The following KCNH7 variants were observed in gnomAD, a reference collection of about 807,000 sequenced individuals.
The protein encoded by KCNH7 is voltage-gated inwardly rectifying potassium channel KCNH7.
A neutral mutation model predicts 120.8 loss-of-function variants in KCNH7; 49 were observed. That is an observed-to-expected ratio of 0.41 (90% CI 0.32 to 0.51). KCNH7 has a LOEUF of 0.51. Ranked by LOEUF, KCNH7 falls within the 20% of genes least tolerant of loss-of-function variation. The pLI is 0.38. For synonymous variants in KCNH7, 547 were observed against 516.1 expected, an observed-to-expected ratio of 1.06 and a Z score of -0.81; for missense variants, 1,097 against 1,446.6, an observed-to-expected ratio of 0.76 and a Z score of 3.92.
intron 2 of KCNH7, among the ~76,000 whole-genome samples, chr2:162,765,315 TA>T (rs1406629271): frequency 6.6e-6 from 1 of 152,208 alleles, no homozygotes; most frequent in African/African-American, 2.4e-5. Context: ...TCTTCTTGCC[TA>T]AATATTAAAT....
chr2:162,750,325 A>T (rs1270231908), intron 2 of KCNH7, among the ~76,000 whole-genome samples: 1 of 151,502 alleles, frequency 6.6e-6, no homozygotes, highest in Non-Finnish European at 1.5e-5. Flanking sequence ...GAGAAGAAAA[A>T]AATCATGGGA....
At chr2:162,648,395 C>A (rs1239654981) in intron 2 of KCNH7, among the ~76,000 whole-genome samples, 1 of 152,180 alleles carries the variant, frequency 6.6e-6, no homozygotes, top group African/African-American at 2.4e-5. Flanking sequence ...GATTCAGTCA[C>A]CTCCCACCAG....
chr2:162,623,964 G>A (rs183556207), intron 2 of KCNH7, among the ~76,000 whole-genome samples: 9 of 152,234 alleles, frequency 5.9e-5, no homozygotes, highest in East Asian at 1.9e-4. Context: ...CAATTAAAAC[G>A]TTTTAAACTG....
chr2:162,443,530 CCTA>C (rs1688489191), intron 7 of KCNH7, among the ~76,000 whole-genome samples: 2 of 152,322 alleles, frequency 1.3e-5, no homozygotes, highest in Non-Finnish European at 1.5e-5. Flanking sequence ...TGCTTTTTCT[CCTA>C]CTCTTCCATT....
At chr2:162,427,654 C>T (rs1388978029) in intron 8 of KCNH7, among the ~76,000 whole-genome samples, 1 of 151,362 alleles carries the variant, frequency 6.6e-6, no homozygotes, top group Admixed American at 6.6e-5. Flanking sequence ...TTTGTCCATT[C>T]CTTTTCTTAA....
intron 2 of KCNH7, among the ~76,000 whole-genome samples, chr2:162,663,344 G>A (rs372106732): frequency 6.6e-6 from 1 of 152,034 alleles, no homozygotes; most frequent in African/African-American, 2.4e-5. Flanking sequence ...AATTTTTCTT[G>A]TTATGTTTTC....
At chr2:162,437,144 T>A (rs1313712592) in intron 7 of KCNH7, among the ~76,000 whole-genome samples, 1 of 152,056 alleles carries the variant, frequency 6.6e-6, no homozygotes, top group Non-Finnish European at 1.5e-5. Context: ...TAATAAGTGT[T>A]CTACAGTTTC....
At chr2:162,774,868 C>A (rs1437588541) in intron 2 of KCNH7, among the ~76,000 whole-genome samples, 1 of 152,038 alleles carries the variant, frequency 6.6e-6, no homozygotes, top group Non-Finnish European at 1.5e-5. Flanking sequence ...ACTTCAAGGG[C>A]AATTAATAAT....
At chr2:162,679,039 C>T (rs1016546129) in intron 2 of KCNH7, among the ~76,000 whole-genome samples, 3 of 151,420 alleles carry the variant, frequency 2.0e-5, no homozygotes, top group African/African-American at 7.3e-5. Flanking sequence ...AATGCTGAGG[C>T]AAAATTTGAA....
chr2:162,829,532 T>C (rs1405544135), intron 2 of KCNH7, among the ~76,000 whole-genome samples: 1 of 152,060 alleles, frequency 6.6e-6, no homozygotes, highest in Non-Finnish European at 1.5e-5. Context: ...TTTGGGCTAT[T>C]AGAGATTGTT....
intron 2 of KCNH7, among the ~76,000 whole-genome samples, chr2:162,754,780 G>GA (rs375954770): frequency 6.6e-6 from 1 of 152,096 alleles, no homozygotes; most frequent in Non-Finnish European, 1.5e-5. Flanking sequence ...AAAATGCAAA[G>GA]AAAAAATGAA....
intron 2 of KCNH7, among the ~76,000 whole-genome samples, chr2:162,547,341 A>C (rs1302926254): frequency 2.0e-5 from 3 of 152,146 alleles, no homozygotes; most frequent in Non-Finnish European, 4.4e-5. Context: ...GGTAGAAATT[A>C]GGAGGAGAGG....
intron 2 of KCNH7, among the ~76,000 whole-genome samples, chr2:162,792,770 TG>T (rs1684000859): frequency 5.2e-4 from 1 of 1,932 alleles, no homozygotes; most frequent in African/African-American, 1.1e-3. Flanking sequence ...ATGGTGTGTG[TG>T]TGTGTGTGTG....
At chr2:162,725,542 T>G (rs1318187457) in intron 2 of KCNH7, among the ~76,000 whole-genome samples, 1 of 152,206 alleles carries the variant, frequency 6.6e-6, no homozygotes, top group East Asian at 1.9e-4. Flanking sequence ...AGTTTAATTA[T>G]CTTGTCTTAC....
At chr2:162,416,900 G>C (rs564073396) in intron 9 of KCNH7, among the ~76,000 whole-genome samples, 114 of 152,182 alleles carry the variant, frequency 7.5e-4, no homozygotes, top group African/African-American at 2.6e-3. Context: ...GGCATGAAAC[G>C]TAATGATTAT....
intron 12 of KCNH7, among the ~76,000 whole-genome samples, chr2:162,390,347 AT>A (rs1420402262): frequency 6.6e-6 from 1 of 151,356 alleles, no homozygotes; most frequent in Non-Finnish European, 1.5e-5. Flanking sequence ...TATACATGCT[AT>A]TTTACAAATA....
At chr2:162,767,204 A>C (rs1682851254) in intron 2 of KCNH7, among the ~76,000 whole-genome samples, 1 of 152,174 alleles carries the variant, frequency 6.6e-6, no homozygotes, top group South Asian at 2.1e-4. Flanking sequence ...CATTCCTAGT[A>C]TGTTTAATTG....
At chr2:162,807,274 AAAAAAAAAAC>A (rs1684581010) in intron 2 of KCNH7, among the ~76,000 whole-genome samples, 3 of 105,250 alleles carry the variant, frequency 2.9e-5, no homozygotes, top group African/African-American at 8.4e-5. Flanking sequence ...AAAAAAAAAA[AAAAAAAAAAC>A]AAATTAGCCA....
At chr2:162,431,330 T>C (rs911463410) in intron 8 of KCNH7, among the ~76,000 whole-genome samples, 2 of 151,998 alleles carry the variant, frequency 1.3e-5, no homozygotes, top group Non-Finnish European at 2.9e-5. Context: ...CATTTTTTGT[T>C]ATTTTATTTT....
Sources: allele counts gnomAD v4.1 joint callset (sites outside exome capture counted in the v4.1 genomes callset), GRCh38; gene constraint gnomAD v4.1.1; transcripts MANE v1.5; gene names NCBI Gene and HGNC (gene_info 2026-07-23, HGNC 2026-07-21).